SOX6: variants seen among roughly 807,000 people sequenced by gnomAD.
SOX6 encodes SRY-box transcription factor 6.
A neutral mutation model predicts 97.8 loss-of-function variants in SOX6; 11 were observed. The observed-to-expected ratio is 0.11, with a 90% CI of 0.07 to 0.19. The LOEUF (loss-of-function observed/expected upper bound fraction) is 0.19. Among genes scored for constraint, SOX6 ranks in the 10% least tolerant of loss-of-function variants. The pLI is 1.00. For synonymous variants in SOX6, 360 were observed against 371.4 expected (o/e 0.97, Z 0.35); for missense variants, 810 against 1,039.5 (o/e 0.78, Z 3.04).
At chr11:16,293,089 A>G (rs557505752) in intron 3 of SOX6, among the ~76,000 whole-genome samples, 1 of 152,350 alleles carries the variant, frequency 6.6e-6, no homozygotes, top group African/African-American at 2.4e-5. Context: ...AACAGTAGAT[A>G]TGCTTTTGTA....
intron 7 of SOX6, 118 bp downstream of exon 7, chr11:16,111,685 C>A (rs963914601): frequency 7.4e-6 from 10 of 1,347,510 alleles, no homozygotes; most frequent in Non-Finnish European, 9.4e-6. Context: ...TTAAAATAAG[C>A]TTTTATGATA....
At chr11:16,017,519 G>A (rs367793462) in intron 12 of SOX6, among the ~76,000 whole-genome samples, 20 of 151,996 alleles carry the variant, frequency 1.3e-4, no homozygotes, top group African/African-American at 2.7e-4. Flanking sequence ...AGAAGATTTC[G>A]TTCTTTTCTT....
chr11:16,434,328 C>T (rs929022201), intron 1 of SOX6: 1 of 151,920 alleles, frequency 6.6e-6, no homozygotes, highest in Non-Finnish European at 1.5e-5. Flanking sequence ...TTACCCTTGT[C>T]GACCAAGATT....
chr11:16,077,925 T>C (rs560014887), intron 9 of SOX6, among the ~76,000 whole-genome samples: 2 of 151,336 alleles, frequency 1.3e-5, no homozygotes, highest in East Asian at 3.9e-4. Context: ...TCTATCTAAA[T>C]AACAAACTTG....
rs547575244 is a variant in SOX6 at position 16,715,929 on chromosome 11, T to C, written n.354-1024A>G. 5.9e-5 allele frequency among the ~76,000 whole-genome samples: 9 copies of C among 152,256 alleles called. 1 individual carries two copies. In the South Asian group the frequency reaches 1.9e-3, roughly 32 times the overall value. Reference sequence around the variant, plus strand: ...TAGTCTCCAAAGAATAGTACTATAATATTTTTTTAAATAAGCATTAGAGGC... The same window carrying C: ...TAGTCTCCAAAGAATAGTACTATAACATTTTTTTAAATAAGCATTAGAGGC... On this transcript the variant is annotated intron_variant and non_coding_transcript_variant, in intron 2 of 5. Transcript: ENST00000524520.
intron 3 of SOX6, among the ~76,000 whole-genome samples, chr11:16,245,444 G>C (rs1853309621): frequency 6.6e-6 from 1 of 151,648 alleles, no homozygotes; most frequent in South Asian, 2.1e-4. Flanking sequence ...GTTAGGTTAA[G>C]TTGATAATTT....
intron 4 of SOX6, among the ~76,000 whole-genome samples, chr11:16,543,513 C>A (rs1173136220): frequency 1.3e-5 from 2 of 151,948 alleles, no homozygotes; most frequent in East Asian, 1.9e-4. Context: ...AGTGAAAAGA[C>A]CCACAGGCTG....
rs151155019 is a variant in SOX6 at position 16,326,079 on chromosome 11, T to C, written c.238-7426A>G. 1.4e-3 allele frequency among the ~76,000 whole-genome samples: 209 copies of C among 152,314 alleles called. 1 individual carries two copies. The highest frequency in any genetic ancestry group is 0.014 in the Middle Eastern group (4 of 294). On this transcript the variant is annotated intron_variant, in intron 2 of 15. Coordinates refer to ENST00000683767, the MANE Select transcript of SOX6 (RefSeq NM_001367873.1). ...ATAAATTACCCAGTGTATGGTATTT[T>C]GTTATTAGCAGCAGTATTGGACTAA...
intron 4 of SOX6, among the ~76,000 whole-genome samples, chr11:16,199,249 T>C (rs1237307652): frequency 2.0e-5 from 3 of 152,048 alleles, no homozygotes; most frequent in African/African-American, 7.2e-5. Context: ...TGGTAGAAAA[T>C]CAAATCTAAG....
At chr11:16,354,689 T>C (rs1857031032) in intron 1 of SOX6, among the ~76,000 whole-genome samples, 1 of 152,032 alleles carries the variant, frequency 6.6e-6, no homozygotes, top group South Asian at 2.1e-4. Context: ...ATTTGGAGAC[T>C]GTAACCCATT....
At chr11:16,499,609 A>G (rs1191916556) in intron 4 of SOX6, among the ~76,000 whole-genome samples, 2 of 152,232 alleles carry the variant, frequency 1.3e-5, no homozygotes, top group Non-Finnish European at 2.9e-5. Flanking sequence ...TAGACGCAAT[A>G]AAAAACGATA....
In SOX6 at chr11:16,514,422, G is replaced by C. The variant is rs1339309698; in HGVS notation, n.610-38034C>G. On this transcript the variant is annotated intron_variant and non_coding_transcript_variant, in intron 4 of 5. Coordinates refer to the SOX6 transcript ENST00000524520. ...TTGCCACTAGCCCAAAGAAGTGCAT[G>C]ATCTTGCTTTCCCTGCTATTAGCTA... 3.3e-5 allele frequency among the ~76,000 whole-genome samples: 5 copies of C among 152,200 alleles called. No individual in the cohort carries two copies. The South Asian group carries it at 1.0e-3, about 32-fold the overall frequency.
chr11:16,295,913 T>A (rs1207847999), intron 3 of SOX6, among the ~76,000 whole-genome samples: 1 of 152,048 alleles, frequency 6.6e-6, no homozygotes, highest in Non-Finnish European at 1.5e-5. Context: ...CCCTTACTTA[T>A]TTCATCACAA....
At chr11:16,338,226 A>T (rs554405640) in intron 2 of SOX6, among the ~76,000 whole-genome samples, 27 of 152,016 alleles carry the variant, frequency 1.8e-4, no homozygotes, top group Non-Finnish European at 3.7e-4. Context: ...ACAGAATATG[A>T]TCCATTAAAA....
intron 4 of SOX6, among the ~76,000 whole-genome samples, chr11:16,220,490 G>A (rs375972703): frequency 2.6e-5 from 4 of 152,084 alleles, no homozygotes; most frequent in East Asian, 3.9e-4. Flanking sequence ...TTGAGCAAAC[G>A]TTGGTGACAT....
intron 4 of SOX6, among the ~76,000 whole-genome samples, chr11:16,566,828 A>C (rs1339956609): frequency 1.3e-5 from 2 of 152,242 alleles, no homozygotes; most frequent in Admixed American, 1.3e-4. Context: ...TCCTAGGTAT[A>C]TATGCAAAAG....
chr11:16,705,872 C>T (rs1848128422), intron 3 of SOX6, among the ~76,000 whole-genome samples: 1 of 150,060 alleles, frequency 6.7e-6, no homozygotes, highest in Non-Finnish European at 1.5e-5. Flanking sequence ...GGAATAAAAA[C>T]AGTACAATAG....
intron 3 of SOX6, among the ~76,000 whole-genome samples, chr11:16,636,638 C>G (rs370536717): frequency 1.1e-4 from 17 of 152,278 alleles, no homozygotes; most frequent in African/African-American, 2.2e-4. Context: ...TGGATTGGCT[C>G]TGTCCCCCTA....
At position 16,100,256 on chromosome 11, in the gene SOX6, G is replaced by A. The variant is rs1848910668; in HGVS notation, c.899-2568C>T. 2.6e-5 allele frequency among the ~76,000 whole-genome samples: 4 copies of A among 151,820 alleles called. No homozygotes were observed. In the South Asian group the frequency reaches 8.3e-4, roughly 32 times the overall value. On this transcript the variant is annotated intron_variant, in intron 7 of 15. Transcript: ENST00000683767. Reference sequence around the variant, plus strand: ...TCAAATTTGTCTCTGGATTTGAAATGCTTTCATGAGGACCCATTCTTTTAA... The same window carrying A: ...TCAAATTTGTCTCTGGATTTGAAATACTTTCATGAGGACCCATTCTTTTAA...
Sources: allele counts gnomAD v4.1 joint callset (sites outside exome capture counted in the v4.1 genomes callset), GRCh38; gene constraint gnomAD v4.1.1; transcripts MANE v1.5; gene names NCBI Gene and HGNC (gene_info 2026-07-23, HGNC 2026-07-21).